The following BAZ2B variants were observed in gnomAD, a reference collection of about 807,000 sequenced individuals.
BAZ2B encodes bromodomain adjacent to zinc finger domain 2B.
Under a neutral mutation model 246.0 loss-of-function variants are expected in BAZ2B, and 91 were observed. That is an observed-to-expected ratio of 0.37 (90% CI 0.31 to 0.44). The LOEUF (loss-of-function observed/expected upper bound fraction) is 0.44. Ranked by LOEUF, BAZ2B falls within the 20% of genes least tolerant of loss-of-function variation. The pLI is 1.00. For synonymous variants in BAZ2B, 855 were observed against 860.0 expected, an observed-to-expected ratio of 0.99 and a Z score of 0.10; for missense variants, 2,332 against 2,533.7, an observed-to-expected ratio of 0.92 and a Z score of 1.71.
the BAZ2B span, among the ~76,000 whole-genome samples, chr2:159,680,123 T>C: frequency 2.0e-5 from 3 of 152,304 alleles, no homozygotes; most frequent in Middle Eastern, 3.4e-3. Context: ...CAAGAAAAAC[T>C]GCTGGGGTAG....
At chr2:159,380,482 T>C (rs1463204048) in intron 25 of BAZ2B, among the ~76,000 whole-genome samples, 20 of 152,210 alleles carry the variant, frequency 1.3e-4, no homozygotes, top group Admixed American at 1.3e-3. Context: ...TTGATTTTCT[T>C]GATTACTGTT....
At chr2:159,504,512 A>T (rs959813195) in intron 2 of BAZ2B, among the ~76,000 whole-genome samples, 61 of 152,178 alleles carry the variant, frequency 4.0e-4, no homozygotes, top group Admixed American at 9.8e-4. Flanking sequence ...ATTGAACCTT[A>T]AAATTTAACT....
intron 8 of BAZ2B, chr2:159,433,683 T>C: frequency 5.2e-6 from 1 of 190,922 alleles, no homozygotes; most frequent in South Asian, 1.2e-4. Context: ...AGCCTCCTCT[T>C]AGAAATTTCA....
chr2:159,704,524 C>T, the BAZ2B span, among the ~76,000 whole-genome samples: 66,730 of 144,416 alleles, frequency 0.46, 16,201 homozygotes, highest in Middle Eastern at 0.64. Context: ...CTCTTGTTGC[C>T]CAGGCTGGAG....
At chr2:159,621,962 C>A in the BAZ2B span, among the ~76,000 whole-genome samples, 1 of 152,116 alleles carries the variant, frequency 6.6e-6, no homozygotes. Context: ...CAAAATTAGC[C>A]AAGCGTGGTG....
At chr2:159,640,593 T>C in the BAZ2B span, among the ~76,000 whole-genome samples, 4 of 152,166 alleles carry the variant, frequency 2.6e-5, no homozygotes, top group African/African-American at 9.6e-5. Context: ...CAATATGCTC[T>C]TGAAAGGCCA....
intron 3 of BAZ2B, among the ~76,000 whole-genome samples, chr2:159,477,367 A>C (rs574380054): frequency 6.6e-6 from 1 of 152,014 alleles, no homozygotes; most frequent in African/African-American, 2.4e-5. Flanking sequence ...ATATACACAC[A>C]TACACACACA....
intron 1 of BAZ2B, among the ~76,000 whole-genome samples, chr2:159,576,683 G>A (rs1685385530): frequency 6.6e-6 from 1 of 151,612 alleles, no homozygotes; most frequent in African/African-American, 2.4e-5. Flanking sequence ...GGAGGCTGAG[G>A]CAGGTGGATC....
At chr2:159,406,118 A>G (rs1200598414) in intron 14 of BAZ2B, among the ~76,000 whole-genome samples, 1 of 152,234 alleles carries the variant, frequency 6.6e-6, no homozygotes, top group Non-Finnish European at 1.5e-5. Flanking sequence ...AGCAATTCCC[A>G]TCAAGAGGTG....
the BAZ2B span, among the ~76,000 whole-genome samples, chr2:159,658,569 G>C: frequency 6.6e-6 from 1 of 152,176 alleles, no homozygotes; most frequent in Non-Finnish European, 1.5e-5. Flanking sequence ...CCAGGATGGA[G>C]TGCAGTGGTG....
the BAZ2B span, among the ~76,000 whole-genome samples, chr2:159,637,624 C>G: frequency 6.6e-5 from 10 of 152,174 alleles, no homozygotes; most frequent in African/African-American, 2.4e-4. Context: ...GTGGCACGAT[C>G]ACAGCTCACT....
At position 159,438,477 on chromosome 2, in the gene BAZ2B, A is replaced by G. The variant is rs1001220674; in HGVS notation, c.1119T>C (p.Ser373=). ...AKEESVNKHT[S]VIQSTGLVSN... is the part of the protein sequence containing the mutation. ...ACACCAATCCCGTAGACTGTATTACACTGGTGTGTTTGTTCACAGATTCCT... is the reference window on the plus strand; with the variant it reads ...ACACCAATCCCGTAGACTGTATTACGCTGGTGTGTTTGTTCACAGATTCCT... Residue 373 remains serine, a synonymous_variant, in exon 8 of 37, where the codon AGT becomes AGC. Transcript: ENST00000392783. 6.2e-7 allele frequency: 1 copy of G among 1,614,184 alleles called. No individual in the cohort carries two copies. Among genetic ancestry groups the G allele is most frequent in the Non-Finnish European group, 8.5e-7 (1 of 1,180,014 alleles).
At chr2:159,658,554 G>C in the BAZ2B span, among the ~76,000 whole-genome samples, 3 of 151,990 alleles carry the variant, frequency 2.0e-5, no homozygotes. Context: ...GTCTTGCTCT[G>C]TTGCCCAGGA....
intron 2 of BAZ2B, among the ~76,000 whole-genome samples, chr2:159,527,249 G>A (rs1028879739): frequency 3.3e-5 from 5 of 152,106 alleles, no homozygotes; most frequent in Non-Finnish European, 5.9e-5. Context: ...GCTGACATCC[G>A]TATAACCTTT....
chr2:159,676,994 ATT>A, the BAZ2B span, among the ~76,000 whole-genome samples: 1 of 134,892 alleles, frequency 7.4e-6, no homozygotes, highest in Admixed American at 7.3e-5. Context: ...ATATATATAT[ATT>A]ACAATTTTTA....
At chr2:159,417,553 A>G (rs1157132076) in intron 13 of BAZ2B, among the ~76,000 whole-genome samples, 1 of 151,698 alleles carries the variant, frequency 6.6e-6, no homozygotes, top group East Asian at 1.9e-4. Flanking sequence ...CTTCACTTCT[A>G]TAAATACTAC....
chr2:159,570,305 C>T (rs538081167), intron 1 of BAZ2B, among the ~76,000 whole-genome samples: 2 of 152,108 alleles, frequency 1.3e-5, no homozygotes, highest in East Asian at 1.9e-4. Context: ...TTGCCTCAGC[C>T]TCCCGAGCAG....
At chr2:159,436,667 C>T (rs62173178) in intron 8 of BAZ2B, among the ~76,000 whole-genome samples, 50,257 of 151,956 alleles carry the variant, frequency 0.33, 9,868 homozygotes, top group Non-Finnish European at 0.47. Context: ...GGGAGAATGG[C>T]GTGAACCCAG....
chr2:159,706,173 A>G, the BAZ2B span, among the ~76,000 whole-genome samples: 1 of 152,066 alleles, frequency 6.6e-6, no homozygotes, highest in Non-Finnish European at 1.5e-5. Flanking sequence ...GTTGGTCAAC[A>G]TGAGCTGCAA....
Sources: gnomAD v4.1 joint callset for allele counts (sites outside exome capture counted in the v4.1 genomes callset) on GRCh38, gnomAD v4.1.1 for gene constraint, MANE v1.5 for transcripts, NCBI Gene and HGNC (gene_info 2026-07-23, HGNC 2026-07-21) for gene names.